DENND5A: variants seen among roughly 807,000 people sequenced by gnomAD.
The protein encoded by DENND5A is DENN domain containing 5A.
DENND5A carries 64 observed loss-of-function variants against 140.3 expected under a neutral mutation model. That is an observed-to-expected ratio of 0.46 (90% CI 0.37 to 0.56). DENND5A has a LOEUF of 0.56. Among genes scored for constraint, DENND5A ranks in the 20% least tolerant of loss-of-function variants. The pLI, the probability that DENND5A is intolerant of heterozygous loss-of-function variation, is 0.00. For missense variants in DENND5A, 1,292 were observed against 1,593.8 expected, an observed-to-expected ratio of 0.81 and a Z score of 3.22; for synonymous variants, 605 against 607.7, an observed-to-expected ratio of 1.00 and a Z score of 0.07.
intron 1 of DENND5A, among the ~76,000 whole-genome samples, chr11:9,241,197 A>ATCAGTCCTAAGAATTTGCAG (rs1323706705): frequency 6.6e-6 from 1 of 152,212 alleles, no homozygotes; most frequent in Non-Finnish European, 1.5e-5. Context: ...TTAAAGCTAC[A>ATCAGTCCTAAGAATTTGCAG]TCAGTCCTAA....
chr11:9,159,321 CTTTTTTTTT>C (rs59379591), intron 12 of DENND5A, among the ~76,000 whole-genome samples: 1 of 136,840 alleles, frequency 7.3e-6, no homozygotes, highest in Non-Finnish European at 1.6e-5. Flanking sequence ...ACTTTTTTTT[CTTTTTTTTT>C]TTTTTTTGAG....
At chr11:9,192,176 G>C (rs2136193592) in intron 5 of DENND5A, among the ~76,000 whole-genome samples, 2 of 152,284 alleles carry the variant, frequency 1.3e-5, no homozygotes, top group African/African-American at 4.8e-5. Context: ...AGATGCATTT[G>C]ACTATAATTT....
chr11:9,192,420 C>A lies in DENND5A; in HGVS notation c.1137+1074G>T, dbSNP rs993273661. On this transcript the variant is annotated intron_variant, in intron 5 of 22. Transcript: ENST00000328194. Reference sequence around the variant, plus strand: ...AAGGCGGGTGGATCATGAGGTCAGGCGTTCGAGACCAGCCTGGCCAACATA... The same window carrying A: ...AAGGCGGGTGGATCATGAGGTCAGGAGTTCGAGACCAGCCTGGCCAACATA... Among the ~76,000 whole-genome samples the A allele has an allele frequency of 5.3e-5, 8 of 152,160 alleles. No individual in the cohort carries two copies. The East Asian group carries it at 9.7e-4, about 18-fold the overall frequency.
intron 8 of DENND5A, among the ~76,000 whole-genome samples, chr11:9,174,102 C>CAAAAAAAAAAAAAAAAAAAAAAAA: frequency 2.4e-5 from 1 of 42,148 alleles, no homozygotes; most frequent in Non-Finnish European, 4.1e-5. Context: ...GACTCCGTCT[C>CAAAAAAAAAAAAAAAAAAAAAAAA]AAAAAAAAAA....
rs768517099 is a variant in DENND5A, at chr11:9,150,124, A to C, written c.2692T>G (p.Ser898Ala). 6.2e-7 allele frequency: 1 copy of C among 1,613,918 alleles called. No homozygotes were observed. Among genetic ancestry groups the C allele is most frequent in the East Asian group, 2.2e-5 (1 of 44,870 alleles). Residue 898 changes from serine (S) to alanine (A), a missense_variant, in exon 15 of 23, where the codon TCC (serine) becomes GCC (alanine). Transcript: ENST00000328194. ...VRLSMEKKLL[S>A]RHLKQLLSDH... ...GAGAGGAGCTGCTTCAGGTGTCTGG[A>C]AAGTAACTTTTTTTCCATGGACAGT... is the stretch of plus-strand genomic sequence containing the variant.
intron 1 of DENND5A, among the ~76,000 whole-genome samples, chr11:9,262,973 C>G (rs1298401990): frequency 6.6e-6 from 1 of 151,898 alleles, no homozygotes; most frequent in East Asian, 1.9e-4. Context: ...GATCTCCTGA[C>G]TTCGTGATCC....
chr11:9,264,865 G>A (rs1046257349), intron 1 of DENND5A, 96 bp downstream of exon 1: 2 of 1,158,072 alleles, frequency 1.7e-6, no homozygotes, highest in East Asian at 3.1e-5. Flanking sequence ...ACACTCGCCC[G>A]GCTCCCGGGA....
intron 5 of DENND5A, among the ~76,000 whole-genome samples, chr11:9,183,565 A>G (rs750495816): frequency 2.0e-5 from 3 of 151,900 alleles, no homozygotes. Context: ...GGCACACAAC[A>G]TCACACCTGG....
chr11:9,168,318 T>C (rs916535913), intron 10 of DENND5A, among the ~76,000 whole-genome samples: 2 of 152,162 alleles, frequency 1.3e-5, no homozygotes, highest in Non-Finnish European at 2.9e-5. Context: ...AAGGGGGAAT[T>C]TCCCTGCACA....
chr11:9,144,936 C>T (rs751012011), intron 18 of DENND5A, 59 bp downstream of exon 18: 25 of 1,249,162 alleles, frequency 2.0e-5, no homozygotes, highest in Non-Finnish European at 2.7e-5. Flanking sequence ...ACCCAAGCAT[C>T]GAAGAGCTCC....
At chr11:9,219,155 A>G (rs939030936) in intron 1 of DENND5A, among the ~76,000 whole-genome samples, 2 of 152,212 alleles carry the variant, frequency 1.3e-5, no homozygotes, top group African/African-American at 4.8e-5. Flanking sequence ...AATTATCAAC[A>G]AAATAATAAA....
intron 15 of DENND5A, 98 bp downstream of exon 15, chr11:9,149,983 G>A: frequency 6.8e-7 from 1 of 1,468,156 alleles, no homozygotes; most frequent in Non-Finnish European, 9.1e-7. Context: ...GAATGCAGCA[G>A]CAATGTCACA....
intron 12 of DENND5A, among the ~76,000 whole-genome samples, chr11:9,155,195 C>T (rs535245266): frequency 1.3e-5 from 2 of 152,034 alleles, no homozygotes; most frequent in African/African-American, 4.8e-5. Context: ...AATATAAGAG[C>T]TTAAAATATT....
At chr11:9,174,779 T>G (rs1439288877) in intron 8 of DENND5A, among the ~76,000 whole-genome samples, 1 of 111,192 alleles carries the variant, frequency 9.0e-6, no homozygotes. Flanking sequence ...ATTACCTTGA[T>G]AGATACAGAA....
At chr11:9,199,781 T>G (rs920036779) in intron 4 of DENND5A, among the ~76,000 whole-genome samples, 3 of 152,206 alleles carry the variant, frequency 2.0e-5, no homozygotes, top group Non-Finnish European at 4.4e-5. Context: ...ATAGCTTGTT[T>G]TTGGCCAGAG....
rs1455194426 is a variant in DENND5A, at chr11:9,160,707, C to T, written c.2436+6G>A. On this transcript the variant is annotated splice_donor_region_variant and intron_variant, in intron 12 of 22. Transcript: ENST00000328194. The stretch of plus-strand genomic sequence containing the variant: ...GCTCAGCAATGAGAGGCAAGACATA[C>T]ATTACCTGTTTCACTTGTAGTCCAT... 3.7e-6 allele frequency: 6 copies of T among 1,608,486 alleles called. No individual in the cohort carries two copies. The highest frequency in any genetic ancestry group is 2.2e-5 in the East Asian group (1 of 44,772).
chr11:9,227,559 T>C (rs528872584), intron 1 of DENND5A, among the ~76,000 whole-genome samples: 74 of 152,326 alleles, frequency 4.9e-4, no homozygotes, highest in African/African-American at 1.3e-3. Context: ...ACATACACTA[T>C]AGTGGAAGGC....
intron 6 of DENND5A, among the ~76,000 whole-genome samples, chr11:9,179,380 G>C (rs1848650653): frequency 6.6e-6 from 1 of 152,068 alleles, no homozygotes; most frequent in Admixed American, 6.5e-5. Context: ...TTATCTCAAA[G>C]GTCAGGGAGA....
intron 1 of DENND5A, among the ~76,000 whole-genome samples, chr11:9,224,915 GTTC>G (rs2136240750): frequency 6.6e-6 from 1 of 150,590 alleles, no homozygotes; most frequent in African/African-American, 2.4e-5. Context: ...CCATCCCCAA[GTTC>G]TTCTGGAAAT....
Sources: allele counts gnomAD v4.1 joint callset (sites outside exome capture counted in the v4.1 genomes callset), GRCh38; gene constraint gnomAD v4.1.1; transcripts MANE v1.5; gene names NCBI Gene and HGNC (gene_info 2026-07-23, HGNC 2026-07-21).